The following ANKS1B variants were observed in gnomAD, a reference collection of about 807,000 sequenced individuals.
ANKS1B encodes ankyrin repeat and sterile alpha motif domain-containing protein 1B.
Under a neutral mutation model 148.3 loss-of-function variants are expected in ANKS1B, and 36 were observed. The ratio of observed to expected loss-of-function variants is 0.24; its 90% CI spans 0.19 to 0.32. ANKS1B has a LOEUF of 0.32. ANKS1B is among the 10% of genes least tolerant of loss of function. The probability of loss-of-function intolerance (pLI) is 1.00; values close to 1 mark genes in which losing one functional copy is unlikely to be tolerated. For synonymous variants in ANKS1B, 542 were observed against 560.8 expected, an observed-to-expected ratio of 0.97 and a Z score of 0.47; for missense variants, 1,157 against 1,542.6, an observed-to-expected ratio of 0.75 and a Z score of 4.19.
intron 15 of ANKS1B, among the ~76,000 whole-genome samples, chr12:99,151,579 C>G (rs2074937732): frequency 6.6e-6 from 1 of 150,910 alleles, no homozygotes; most frequent in Non-Finnish European, 1.5e-5. Flanking sequence ...TCTTTTCTAA[C>G]CATATCTAGA....
intron 15 of ANKS1B, among the ~76,000 whole-genome samples, chr12:99,107,723 A>G (rs1160959044): frequency 6.6e-6 from 1 of 152,168 alleles, no homozygotes; most frequent in African/African-American, 2.4e-5. Context: ...GCTCACTTGT[A>G]GGTTTGCCAC....
chr12:99,523,442 A>C (rs1567268449), intron 9 of ANKS1B, among the ~76,000 whole-genome samples: 2 of 152,328 alleles, frequency 1.3e-5, no homozygotes. Context: ...AGCTGATGAT[A>C]AGATTTCTAA....
intron 11 of ANKS1B, among the ~76,000 whole-genome samples, chr12:99,413,856 C>T (rs937501830): frequency 6.6e-6 from 1 of 152,156 alleles, no homozygotes; most frequent in African/African-American, 2.4e-5. Context: ...AGCTCTTCTC[C>T]TGCTAGCTGT....
At chr12:99,303,550 CA>C (rs1555376982) in intron 12 of ANKS1B, among the ~76,000 whole-genome samples, 1 of 151,946 alleles carries the variant, frequency 6.6e-6, no homozygotes. Context: ...AAAAATCAAA[CA>C]ATAAATATTT....
Position 99,773,086 on chromosome 12 carries a change from C to T in ANKS1B, c.964G>A (p.Glu322Lys). The change falls in exon 8 of 27, where the codon GAA becomes AAA. Residue 322 changes from glutamate to lysine, a missense_variant and splice_region_variant. Coordinates refer to ENST00000683438, the MANE Select transcript of ANKS1B (RefSeq NM_001352186.2). ...TTTGATAATTCTCCAGTGACGGTTT[C>T]ACCTATGAGAATAATTTTTTCAGAA... ...VESPSQKTKSETVTGELSKLL... is the reference protein window; with the variant it reads ...VESPSQKTKSKTVTGELSKLL... The T allele has an allele frequency of 6.3e-7, 1 of 1,594,810 alleles. No individual in the cohort carries two copies. Among genetic ancestry groups the T allele is most frequent in the Non-Finnish European group, 8.5e-7 (1 of 1,172,534 alleles).
intron 17 of ANKS1B, among the ~76,000 whole-genome samples, chr12:98,834,554 T>C (rs1353219924): frequency 1.3e-5 from 2 of 152,182 alleles, no homozygotes; most frequent in Admixed American, 6.5e-5. Context: ...ATTTCTTATC[T>C]TACAGTTGTC....
intron 17 of ANKS1B, among the ~76,000 whole-genome samples, chr12:98,873,241 G>T (rs1364527956): frequency 6.6e-6 from 1 of 152,124 alleles, no homozygotes; most frequent in Non-Finnish European, 1.5e-5. Context: ...AATGATTTGT[G>T]CTGCTCCAGT....
chr12:98,856,905 C>T (rs1228615232), intron 17 of ANKS1B, among the ~76,000 whole-genome samples: 2 of 152,134 alleles, frequency 1.3e-5, no homozygotes, highest in African/African-American at 2.4e-5. Flanking sequence ...ATTAAGTAAA[C>T]ACTGCTGGGG....
intron 5 of ANKS1B, 46 bp from the exon 6 acceptor site, chr12:99,780,018 C>T (rs771632677): frequency 7.9e-7 from 1 of 1,268,820 alleles, no homozygotes; most frequent in Non-Finnish European, 1.1e-6. Context: ...ACTGAAGTAT[C>T]CTCAAAAGAT....
chr12:99,853,879 C>T (rs1444602670), intron 1 of ANKS1B, among the ~76,000 whole-genome samples: 9 of 151,932 alleles, frequency 5.9e-5, no homozygotes, highest in Admixed American at 5.9e-4. Context: ...AAATAAAAAA[C>T]AGTCAAAAAC....
At chr12:99,493,049 G>A (rs1024544326) in intron 10 of ANKS1B, among the ~76,000 whole-genome samples, 7 of 152,082 alleles carry the variant, frequency 4.6e-5, no homozygotes, top group East Asian at 1.9e-4. Context: ...TCAATCAAGC[G>A]AGAGACAGAA....
chr12:99,926,767 A>T lies in ANKS1B; in HGVS notation c.134+57337T>A, dbSNP rs115793478. ...AATGACCTCTTATTAACTCCTGCTA[A>T]AGCATCCCGCCTAAATAGCTACAAA... On this transcript the variant is annotated intron_variant, in intron 1 of 26. Coordinates refer to ENST00000683438, the MANE Select transcript of ANKS1B (RefSeq NM_001352186.2). 9.5e-3 allele frequency among the ~76,000 whole-genome samples: 1,448 copies of T among 152,274 alleles called. 25 individuals carry two copies. Among genetic ancestry groups the T allele is most frequent in the African/African-American group, 0.032 (1,350 of 41,544 alleles).
intron 12 of ANKS1B, among the ~76,000 whole-genome samples, chr12:99,360,962 G>T (rs1441184079): frequency 6.6e-6 from 1 of 152,056 alleles, no homozygotes; most frequent in African/African-American, 2.4e-5. Flanking sequence ...GGCTGGGAAG[G>T]GTAGCTGGGG....
At chr12:99,132,849 T>C (rs145115843) in intron 15 of ANKS1B, among the ~76,000 whole-genome samples, 2 of 152,296 alleles carry the variant, frequency 1.3e-5, no homozygotes, top group East Asian at 3.9e-4. Context: ...GCCACTCATA[T>C]AGCAGGTAAG....
chr12:99,639,331 T>C (rs2098277828), intron 9 of ANKS1B, among the ~76,000 whole-genome samples: 1 of 152,204 alleles, frequency 6.6e-6, no homozygotes, highest in African/African-American at 2.4e-5. Context: ...GCTTTTGATT[T>C]TACAGGCTCA....
At chr12:99,949,856 A>G (rs999961175) in intron 1 of ANKS1B, among the ~76,000 whole-genome samples, 1 of 152,086 alleles carries the variant, frequency 6.6e-6, no homozygotes, top group African/African-American at 2.4e-5. Flanking sequence ...AATAGCAAAG[A>G]CTATGTGGTC....
intron 1 of ANKS1B, among the ~76,000 whole-genome samples, chr12:99,889,484 T>C (rs1189939553): frequency 1.3e-5 from 2 of 152,232 alleles, no homozygotes; most frequent in Non-Finnish European, 2.9e-5. Flanking sequence ...CAAGAGACCT[T>C]TTTGCTTAAA....
chr12:99,656,351 A>G (rs12230625), intron 8 of ANKS1B, among the ~76,000 whole-genome samples: 20,118 of 152,090 alleles, frequency 0.13, 1,988 homozygotes, highest in East Asian at 0.45. Context: ...CTATGTATCA[A>G]TCTCTACTGT....
At chr12:99,027,325 A>T (rs1425255078) in intron 17 of ANKS1B, among the ~76,000 whole-genome samples, 1 of 152,194 alleles carries the variant, frequency 6.6e-6, no homozygotes, top group Non-Finnish European at 1.5e-5. Context: ...GCACACAGTA[A>T]AAAACATCTT....
Sources: gnomAD v4.1 joint callset for allele counts (sites outside exome capture counted in the v4.1 genomes callset) on GRCh38, gnomAD v4.1.1 for gene constraint, MANE v1.5 for transcripts, NCBI Gene and HGNC (gene_info 2026-07-23, HGNC 2026-07-21) for gene names.